Variants in CNTNAP2 observed in about 807,000 individuals in gnomAD.
CNTNAP2 encodes contactin-associated protein-like 2.
Under a neutral mutation model 155.2 loss-of-function variants are expected in CNTNAP2, and 98 were observed. The ratio of observed to expected loss-of-function variants is 0.63; its 90% confidence interval spans 0.54 to 0.75. CNTNAP2 has a LOEUF of 0.75. Ranked by LOEUF, CNTNAP2 falls within the 30% of genes least tolerant of loss-of-function variation. The pLI is 0.00. For synonymous variants in CNTNAP2, 651 were observed against 631.2 expected (o/e 1.03, Z -0.47); for missense variants, 1,727 against 1,688.1 (o/e 1.02, Z -0.40).
intron 21 of CNTNAP2, among the ~76,000 whole-genome samples, chr7:148,373,628 C>T (rs1230539859): frequency 1.3e-5 from 2 of 152,198 alleles, no homozygotes; most frequent in Non-Finnish European, 2.9e-5. Flanking sequence ...GACTGTACTA[C>T]TCAAACATAT....
chr7:146,580,934 T>A (rs972741873), intron 1 of CNTNAP2, among the ~76,000 whole-genome samples: 9 of 152,002 alleles, frequency 5.9e-5, no homozygotes, highest in African/African-American at 2.2e-4. Context: ...GTGTGAAAAA[T>A]CACCCCAAGA....
At chr7:147,346,007 G>A (rs149759606) in intron 9 of CNTNAP2, among the ~76,000 whole-genome samples, 9 of 152,172 alleles carry the variant, frequency 5.9e-5, no homozygotes, top group African/African-American at 1.4e-4. Context: ...TTAATTTTAC[G>A]AAATTTGAAA....
chr7:147,620,520 A>G (rs1305525782), intron 12 of CNTNAP2, among the ~76,000 whole-genome samples: 1 of 149,848 alleles, frequency 6.7e-6, no homozygotes, highest in African/African-American at 2.4e-5. Flanking sequence ...CTAATATATC[A>G]TATAATTATA....
intron 8 of CNTNAP2, among the ~76,000 whole-genome samples, chr7:147,202,293 T>C (rs928873055): frequency 1.4e-5 from 2 of 147,062 alleles, no homozygotes; most frequent in African/African-American, 5.0e-5. Flanking sequence ...AACTACAACA[T>C]GCAATCTGAA....
At position 146,239,798 on chromosome 7, in the gene CNTNAP2, C is replaced by T. The variant is rs544228320; in HGVS notation, c.97+122825C>T. 2.6e-5 allele frequency among the ~76,000 whole-genome samples: 4 copies of T among 152,180 alleles called. No homozygotes were observed. In the East Asian group the frequency reaches 5.8e-4, roughly 22 times the overall value. ...ACATATCAGGCAAGCACTAGAAAAC[C>T]AAATCACAAACTGAACCAGGTTATC... On this transcript the variant is annotated intron_variant, in intron 1 of 23. Transcript: ENST00000361727.
At chr7:147,809,778 G>C (rs1798151111) in intron 13 of CNTNAP2, among the ~76,000 whole-genome samples, 2 of 151,704 alleles carry the variant, frequency 1.3e-5, no homozygotes, top group South Asian at 4.2e-4. Context: ...TTGCTAATGA[G>C]AAAATCTACA....
chr7:147,367,164 G>T (rs1190375294), intron 9 of CNTNAP2, among the ~76,000 whole-genome samples: 2 of 152,130 alleles, frequency 1.3e-5, no homozygotes, highest in Non-Finnish European at 2.9e-5. Flanking sequence ...GTTTTAATTA[G>T]TTTTTCTTAA....
intron 1 of CNTNAP2, among the ~76,000 whole-genome samples, chr7:146,612,716 CAT>C (rs1300827220): frequency 3.3e-5 from 5 of 152,050 alleles, no homozygotes; most frequent in Non-Finnish European, 5.9e-5. Context: ...ATTAAAAAAT[CAT>C]ATGTCATTCC....
At chr7:146,137,003 C>A (rs1208704275) in intron 1 of CNTNAP2, among the ~76,000 whole-genome samples, 2 of 152,078 alleles carry the variant, frequency 1.3e-5, no homozygotes, top group African/African-American at 4.8e-5. Flanking sequence ...GTGATTACTA[C>A]AAGAAAAACG....
intron 1 of CNTNAP2, among the ~76,000 whole-genome samples, chr7:146,407,893 T>C (rs1187990952): frequency 1.3e-5 from 2 of 152,190 alleles, no homozygotes; most frequent in African/African-American, 2.4e-5. Context: ...TTTCACTTAA[T>C]GAATATAAAA....
intron 13 of CNTNAP2, among the ~76,000 whole-genome samples, chr7:147,758,218 TCTC>T (rs1363184157): frequency 1.4e-4 from 21 of 152,304 alleles, no homozygotes; most frequent in Admixed American, 3.9e-4. Context: ...GAAATTTAAT[TCTC>T]CTAACATCAG....
At chr7:146,610,193 C>T (rs1280568231) in intron 1 of CNTNAP2, among the ~76,000 whole-genome samples, 1 of 152,070 alleles carries the variant, frequency 6.6e-6, no homozygotes, top group Non-Finnish European at 1.5e-5. Flanking sequence ...AACATGTAAA[C>T]CTGTGGGATT....
intron 13 of CNTNAP2, among the ~76,000 whole-genome samples, chr7:147,886,644 T>C (rs1447681122): frequency 6.6e-6 from 1 of 152,086 alleles, no homozygotes; most frequent in Non-Finnish European, 1.5e-5. Context: ...TGCAGAACTA[T>C]CTAACACATT....
chr7:146,854,962 T>C (rs186923881), intron 3 of CNTNAP2, among the ~76,000 whole-genome samples: 1 of 152,306 alleles, frequency 6.6e-6, no homozygotes, highest in East Asian at 1.9e-4. Flanking sequence ...TATGTATAAT[T>C]GATGCTAACA....
rs5888309 is a variant in CNTNAP2, at chr7:148,194,136, A to AGTGTGTGTGT, written c.3010+21677_3010+21686dup. Among the ~76,000 whole-genome samples, 235 of 141,884 alleles carry AGTGTGTGTGT rather than the reference A, an allele frequency of 1.7e-3. 1 individual carries two copies. The highest frequency in any genetic ancestry group is 2.3e-3 in the Non-Finnish European group (149 of 65,632). 93.1% of individuals were successfully genotyped at this position (141,884 alleles called of 152,430 possible). A position where few individuals can be genotyped will look rare whatever the true frequency, so the allele number is the denominator to read the frequency against. ...CAGGTGCATGCCACCATGCCTGGCT[A>AGTGTGTGTGT]GTGTGTGTGTGTGTGTGTGTGTGTG... On this transcript the variant is annotated intron_variant, in intron 18 of 23. Coordinates refer to ENST00000361727, the MANE Select transcript of CNTNAP2 (RefSeq NM_014141.6).
chr7:146,495,528 A>G (rs1797201050), intron 1 of CNTNAP2, among the ~76,000 whole-genome samples: 1 of 148,840 alleles, frequency 6.7e-6, no homozygotes, highest in South Asian at 2.2e-4. Flanking sequence ...TCAAATGGAA[A>G]GTTCTTGCCA....
At chr7:146,731,696 G>C (rs1801528460) in intron 1 of CNTNAP2, among the ~76,000 whole-genome samples, 2 of 152,092 alleles carry the variant, frequency 1.3e-5, no homozygotes, top group African/African-American at 4.8e-5. Context: ...AAACAGCACG[G>C]ATAGAAGTGT....
intron 8 of CNTNAP2, among the ~76,000 whole-genome samples, chr7:147,161,232 A>G (rs544841414): frequency 1.1e-4 from 17 of 152,236 alleles, no homozygotes; most frequent in African/African-American, 3.8e-4. Context: ...AAGACATGCA[A>G]TATATGAAGT....
At chr7:146,169,783 G>T (rs1442301152) in intron 1 of CNTNAP2, among the ~76,000 whole-genome samples, 1 of 150,438 alleles carries the variant, frequency 6.6e-6, no homozygotes, top group South Asian at 2.1e-4. Flanking sequence ...CCATGTTGTT[G>T]CAAATGGCAA....
Sources: gnomAD v4.1 joint callset for allele counts (sites outside exome capture counted in the v4.1 genomes callset) on GRCh38, gnomAD v4.1.1 for gene constraint, MANE v1.5 for transcripts, NCBI Gene and HGNC (gene_info 2026-07-23, HGNC 2026-07-21) for gene names.